DNAJC8: variants seen among roughly 807,000 people sequenced by gnomAD.
The protein encoded by DNAJC8 is dnaJ homolog subfamily C member 8.
Under a neutral mutation model 43.2 loss-of-function variants are expected in DNAJC8, and 24 were observed. The observed-to-expected ratio is 0.56, with a 90% CI of 0.40 to 0.78. DNAJC8 has a LOEUF of 0.78. DNAJC8 is among the 30% of genes least tolerant of loss of function. The pLI is 0.00. For synonymous variants in DNAJC8, 83 were observed against 98.0 expected (o/e 0.85, Z 0.90); for missense variants, 207 against 299.4 (o/e 0.69, Z 2.28).
intron 3 of DNAJC8, among the ~76,000 whole-genome samples, chr1:28,212,202 TATATATATATATAA>T (rs1265653322): frequency 4.4e-5 from 5 of 113,462 alleles, no homozygotes; most frequent in African/African-American, 1.5e-4. Context: ...TATATATATA[TATATATATATATAA>T]ATGAAATTAA....
intron 2 of DNAJC8, among the ~76,000 whole-genome samples, chr1:28,226,969 G>A (rs182007645): frequency 9.5e-5 from 14 of 147,524 alleles, no homozygotes; most frequent in Non-Finnish European, 1.6e-4. Context: ...ATTTTCCTCT[G>A]TTCCTTTTAT....
At chr1:28,232,863 G>A in intron 1 of DNAJC8, 58 bp downstream of exon 1, 2 of 1,584,544 alleles carry the variant, frequency 1.3e-6, no homozygotes, top group South Asian at 1.1e-5. Context: ...TTTGTCCACT[G>A]GGAAAGCAGA....
chr1:28,224,993 G>A (rs1408663524), intron 2 of DNAJC8, among the ~76,000 whole-genome samples: 2 of 150,986 alleles, frequency 1.3e-5, no homozygotes, highest in East Asian at 1.9e-4. Flanking sequence ...CCAGGAGTTC[G>A]AGGTTGCAGT....
At chr1:28,203,581 C>T (rs1372918788) in intron 8 of DNAJC8, among the ~76,000 whole-genome samples, 166 bp downstream of exon 8, 2 of 152,190 alleles carry the variant, frequency 1.3e-5, no homozygotes, top group Non-Finnish European at 2.9e-5. Flanking sequence ...GCCAAGGCTA[C>T]AGAGCTTACA....
At chr1:28,217,049 C>G (rs1005549953) in intron 2 of DNAJC8, among the ~76,000 whole-genome samples, 1 of 152,030 alleles carries the variant, frequency 6.6e-6, no homozygotes, top group Non-Finnish European at 1.5e-5. Flanking sequence ...TTCAGGTGAT[C>G]CGCCTGCCTC....
chr1:28,223,835 T>C (rs535446698), intron 2 of DNAJC8, among the ~76,000 whole-genome samples: 1 of 152,130 alleles, frequency 6.6e-6, no homozygotes, highest in Non-Finnish European at 1.5e-5. Context: ...TAAACATATA[T>C]GTACACACAC....
intron 6 of DNAJC8, among the ~76,000 whole-genome samples, chr1:28,205,626 A>G (rs1646763382): frequency 6.6e-6 from 1 of 152,208 alleles, no homozygotes; most frequent in South Asian, 2.1e-4. Context: ...AGTAGCTCAC[A>G]CCTGTAATCC....
intron 6 of DNAJC8, among the ~76,000 whole-genome samples, chr1:28,207,569 G>A (rs1368262227): frequency 2.7e-5 from 4 of 150,066 alleles, no homozygotes; most frequent in African/African-American, 4.9e-5. Flanking sequence ...TCAGCCTCTC[G>A]GGTAGTTGGG....
chr1:28,222,611 A>G (rs1427051718), intron 2 of DNAJC8, among the ~76,000 whole-genome samples: 1 of 152,056 alleles, frequency 6.6e-6, no homozygotes, highest in Non-Finnish European at 1.5e-5. Flanking sequence ...TTCCCTTCCT[A>G]AGCAATAAAT....
rs1305582874 is a variant in DNAJC8, at chr1:28,233,003, C to A, written c.-5G>T. On this transcript the variant is annotated 5_prime_UTR_variant, in exon 1 of 9. Transcript: ENST00000263697. ...GCTCTCTCCTGAAGCCGCCATTTCC[C>A]CGGCCCAGCCACCACGTGACCCTTC... 6.2e-6 allele frequency: 10 copies of A among 1,611,342 alleles called. No individual in the cohort carries two copies. Among genetic ancestry groups the A allele is most frequent in the African/African-American group, 1.3e-5 (1 of 74,894 alleles).
At chr1:28,230,122 A>T (rs1646963989) in intron 1 of DNAJC8, 1 of 152,038 alleles carries the variant, frequency 6.6e-6, no homozygotes, top group Non-Finnish European at 1.5e-5. Context: ...AAAAAGAAAA[A>T]TCCCTGACCT....
intron 2 of DNAJC8, among the ~76,000 whole-genome samples, chr1:28,224,065 TA>T (rs1218295286): frequency 1.3e-5 from 2 of 152,088 alleles, no homozygotes; most frequent in Non-Finnish European, 2.9e-5. Flanking sequence ...GATTGAAAGG[TA>T]ACCCACTGGC....
In DNAJC8 at chr1:28,215,219, C is replaced by A. The variant is rs2149018495; in HGVS notation, c.181-223G>T. Among the ~76,000 whole-genome samples, 2 of 152,144 alleles carry A rather than the reference C, an allele frequency of 1.3e-5. 1 individual carries two copies. The highest frequency in any genetic ancestry group is 4.1e-4 in the South Asian group (2 of 4,824). On this transcript the variant is annotated intron_variant, in intron 2 of 8. Transcript: ENST00000263697. Reference sequence around the variant, plus strand: ...CTTATGGTACTCAAATAACATAATGCTTATTTTCATCATAAAAATAATAAT... The same window carrying A: ...CTTATGGTACTCAAATAACATAATGATTATTTTCATCATAAAAATAATAAT...
At chr1:28,201,554 C>T (rs568968113) in intron 8 of DNAJC8, among the ~76,000 whole-genome samples, 184 bp from the exon 9 acceptor site, 10 of 152,156 alleles carry the variant, frequency 6.6e-5, no homozygotes, top group South Asian at 6.2e-4. Flanking sequence ...TTCGGGAGGC[C>T]GAGGCGGGCA....
chr1:28,203,703 G>A (rs1646751410), intron 8 of DNAJC8, 44 bp downstream of exon 8: 1 of 1,597,486 alleles, frequency 6.3e-7, no homozygotes, highest in African/African-American at 1.3e-5. Flanking sequence ...GAACCAAGCT[G>A]CCTTATTCTG....
Position 28,210,040 on chromosome 1 carries a change from G to C in DNAJC8, c.331C>G (p.Leu111Val). The change falls in exon 5 of 9, where the codon CTG (leucine) becomes GTG (valine). Residue 111 changes from leucine to valine, a missense_variant. Coordinates refer to ENST00000263697, the MANE Select transcript of DNAJC8 (RefSeq NM_014280.3). ...GCCCTCTTCTTTTGCTCCTGATCCAGTAGCAACTTGTAAGCTTTGTCCACA... is the reference window on the plus strand; with the variant it reads ...GCCCTCTTCTTTTGCTCCTGATCCACTAGCAACTTGTAAGCTTTGTCCACA... ...EAVDKAYKLL[L>V]DQEQKKRALD... The C allele has an allele frequency of 6.2e-7, 1 of 1,614,090 alleles. No individual in the cohort carries two copies. The highest frequency in any genetic ancestry group is 8.5e-7 in the Non-Finnish European group (1 of 1,179,980).
intron 4 of DNAJC8, 135 bp from the exon 5 acceptor site, chr1:28,210,201 T>G: frequency 1.4e-6 from 1 of 738,338 alleles, no homozygotes; most frequent in Middle Eastern, 2.4e-4. Flanking sequence ...TAAACTAAGT[T>G]AAAAAAAACA....
chr1:28,223,456 T>C (rs1370316613), intron 2 of DNAJC8, among the ~76,000 whole-genome samples: 3 of 152,072 alleles, frequency 2.0e-5, no homozygotes, highest in South Asian at 2.1e-4. Context: ...GGTTTTTGCA[T>C]AGACATATCC....
intron 6 of DNAJC8, among the ~76,000 whole-genome samples, chr1:28,207,008 T>C (rs1056802549): frequency 5.3e-5 from 8 of 152,180 alleles, no homozygotes; most frequent in African/African-American, 1.9e-4. Context: ...CGATTTTATA[T>C]TTTTTATATT....
Sources: gnomAD v4.1 joint callset for allele counts (sites outside exome capture counted in the v4.1 genomes callset) on GRCh38, gnomAD v4.1.1 for gene constraint, MANE v1.5 for transcripts, NCBI Gene and HGNC (gene_info 2026-07-23, HGNC 2026-07-21) for gene names.